HS6ST3: variants seen among roughly 807,000 people sequenced by gnomAD.
The protein encoded by HS6ST3 is heparan sulfate 6-O-sulfotransferase 3.
A neutral mutation model predicts 36.7 loss-of-function variants in HS6ST3; 12 were observed. The ratio of observed to expected loss-of-function variants is 0.33; its 90% CI spans 0.21 to 0.53. The LOEUF is 0.53. Ranked by LOEUF, HS6ST3 falls within the 20% of genes least tolerant of loss-of-function variation. HS6ST3 has a pLI of 0.95. For synonymous variants in HS6ST3, 240 were observed against 257.5 expected (o/e 0.93, Z 0.65); for missense variants, 584 against 640.9 (o/e 0.91, Z 0.96).
intron 1 of HS6ST3, among the ~76,000 whole-genome samples, chr13:96,554,050 G>A (rs2056230386): frequency 6.6e-6 from 1 of 152,336 alleles, no homozygotes; most frequent in Non-Finnish European, 1.5e-5. Context: ...AGTACAAATA[G>A]AAGGTTGATT....
At chr13:96,233,983 CCTTA>C (rs1401388784) in intron 1 of HS6ST3, among the ~76,000 whole-genome samples, 1 of 151,916 alleles carries the variant, frequency 6.6e-6, no homozygotes, top group Non-Finnish European at 1.5e-5. Flanking sequence ...AATGTGGTTA[CCTTA>C]CTTACTGTGT....
chr13:96,310,208 T>G (rs1189107844), intron 1 of HS6ST3, among the ~76,000 whole-genome samples: 1 of 152,190 alleles, frequency 6.6e-6, no homozygotes, highest in African/African-American at 2.4e-5. Flanking sequence ...CATTTAAATA[T>G]CAACACATGC....
Position 96,580,220 on chromosome 13 carries a change from A to G in HS6ST3, c.708-252270A>G, listed in dbSNP as rs1030837072. Among the ~76,000 whole-genome samples, 4 of 118,254 alleles carry G rather than the reference A, an allele frequency of 3.4e-5. No individual in the cohort carries two copies. In the South Asian group the frequency reaches 8.1e-4, roughly 24 times the overall value. The allele number at this position is 118,254 out of a possible 152,430, so 77.6% of individuals were successfully genotyped here. Reference sequence around the variant, plus strand: ...TATATATATATATATATATATATATATATATATTTATGAAGAGTGTAATCC... The same window carrying G: ...TATATATATATATATATATATATATGTATATATTTATGAAGAGTGTAATCC... On this transcript the variant is annotated intron_variant, in intron 1 of 1. Transcript: ENST00000376705.
intron 1 of HS6ST3, among the ~76,000 whole-genome samples, chr13:96,370,101 CA>C (rs2055282331): frequency 6.6e-6 from 1 of 151,986 alleles, no homozygotes; most frequent in African/African-American, 2.4e-5. Flanking sequence ...ATGATAAAAA[CA>C]AAAACAAAAG....
intron 1 of HS6ST3, among the ~76,000 whole-genome samples, chr13:96,738,594 TC>T (rs1343242861): frequency 9.2e-5 from 14 of 152,176 alleles, no homozygotes; most frequent in African/African-American, 2.9e-4. Context: ...GAACATTTTT[TC>T]CTTTTGTAGT....
chr13:96,382,336 A>G (rs546699800), intron 1 of HS6ST3, among the ~76,000 whole-genome samples: 2 of 152,308 alleles, frequency 1.3e-5, no homozygotes, highest in South Asian at 4.1e-4. Context: ...CTTCCTTTCT[A>G]AAAACAATAT....
chr13:96,393,007 G>A (rs2055403590), intron 1 of HS6ST3, among the ~76,000 whole-genome samples: 1 of 152,126 alleles, frequency 6.6e-6, no homozygotes, highest in Non-Finnish European at 1.5e-5. Context: ...TGATTGAATT[G>A]TGGGGACAGT....
chr13:96,490,367 A>G (rs2055938726), intron 1 of HS6ST3, among the ~76,000 whole-genome samples: 1 of 152,138 alleles, frequency 6.6e-6, no homozygotes, highest in Admixed American at 6.6e-5. Flanking sequence ...TGAACTGGTC[A>G]TGGGGAGTAA....
chr13:96,552,090 T>G (rs894128474), intron 1 of HS6ST3, among the ~76,000 whole-genome samples: 1 of 152,204 alleles, frequency 6.6e-6, no homozygotes, highest in African/African-American at 2.4e-5. Flanking sequence ...AAAAGTTTAT[T>G]GCATGCATTA....
chr13:96,207,581 A>AT (rs1346047170), intron 1 of HS6ST3, among the ~76,000 whole-genome samples: 12 of 152,298 alleles, frequency 7.9e-5, no homozygotes, highest in Non-Finnish European at 1.5e-4. Flanking sequence ...ATCAACCTAA[A>AT]TGCCCATCAA....
chr13:96,364,716 T>G (rs992208002), intron 1 of HS6ST3, among the ~76,000 whole-genome samples: 1 of 152,196 alleles, frequency 6.6e-6, no homozygotes, highest in African/African-American at 2.4e-5. Flanking sequence ...TGAATGTACT[T>G]AATGCCACTG....
At chr13:96,471,293 C>A (rs955159613) in intron 1 of HS6ST3, among the ~76,000 whole-genome samples, 1 of 152,112 alleles carries the variant, frequency 6.6e-6, no homozygotes, top group Non-Finnish European at 1.5e-5. Context: ...TATGTTTTAG[C>A]CCAATTTTTT....
chr13:96,798,882 CTCT>C (rs1478019890), intron 1 of HS6ST3, among the ~76,000 whole-genome samples: 1 of 152,066 alleles, frequency 6.6e-6, no homozygotes, highest in Non-Finnish European at 1.5e-5. Context: ...CTTCTGAGAC[CTCT>C]TCTTTGCTTG....
At chr13:96,642,891 T>C (rs1485711575) in intron 1 of HS6ST3, among the ~76,000 whole-genome samples, 1 of 151,972 alleles carries the variant, frequency 6.6e-6, no homozygotes, top group Non-Finnish European at 1.5e-5. Context: ...GTCCAACATC[T>C]GGCCTTCCTC....
chr13:96,808,742 G>T (rs935737117), intron 1 of HS6ST3, among the ~76,000 whole-genome samples: 5 of 152,180 alleles, frequency 3.3e-5, no homozygotes, highest in Non-Finnish European at 7.3e-5. Context: ...CAAAAAAGAA[G>T]TAGGTTCTGA....
At chr13:96,421,794 C>T (rs1468899110) in intron 1 of HS6ST3, among the ~76,000 whole-genome samples, 1 of 152,136 alleles carries the variant, frequency 6.6e-6, no homozygotes, top group African/African-American at 2.4e-5. Context: ...GTTTGCATAT[C>T]TATTTTCCAT....
intron 1 of HS6ST3, among the ~76,000 whole-genome samples, chr13:96,105,442 G>A (rs1001841671): frequency 2.6e-5 from 4 of 152,156 alleles, no homozygotes; most frequent in African/African-American, 7.2e-5. Context: ...CTTGAGGTCA[G>A]GAGTTTGAGA....
intron 1 of HS6ST3, among the ~76,000 whole-genome samples, chr13:96,264,436 G>C (rs1033177028): frequency 1.3e-5 from 2 of 152,200 alleles, no homozygotes; most frequent in Admixed American, 1.3e-4. Context: ...TTCTAGGAAA[G>C]TGTTTTGGCT....
intron 1 of HS6ST3, among the ~76,000 whole-genome samples, chr13:96,336,237 C>T (rs1338728921): frequency 6.6e-6 from 1 of 152,128 alleles, no homozygotes; most frequent in Admixed American, 6.5e-5. Context: ...TCCTTTGCTC[C>T]CCAGATTCCC....
Sources: gnomAD v4.1 joint callset for allele counts (sites outside exome capture counted in the v4.1 genomes callset) on GRCh38, gnomAD v4.1.1 for gene constraint, MANE v1.5 for transcripts, NCBI Gene and HGNC (gene_info 2026-07-23, HGNC 2026-07-21) for gene names.